ZYG11B: variants seen among roughly 807,000 people sequenced by gnomAD.
ZYG11B encodes zyg-11 family member B, cell cycle regulator, also known as protein zyg-11 homolog B.
A neutral mutation model predicts 82.4 loss-of-function variants in ZYG11B; 36 were observed. The observed-to-expected ratio is 0.44, with a 90% CI of 0.33 to 0.58. The LOEUF is 0.58. ZYG11B is among the 20% of genes least tolerant of loss of function. The pLI, the probability that ZYG11B is intolerant of heterozygous loss-of-function variation, is 0.02. For missense variants in ZYG11B, 552 were observed against 895.6 expected, an observed-to-expected ratio of 0.62 and a Z score of 4.90; for synonymous variants, 303 against 312.8, an observed-to-expected ratio of 0.97 and a Z score of 0.33.
chr1:52,782,069 A>G (rs562542802), intron 4 of ZYG11B, among the ~76,000 whole-genome samples: 62 of 151,702 alleles, frequency 4.1e-4, no homozygotes, highest in African/African-American at 9.2e-4. Flanking sequence ...TTATTTATTT[A>G]TTTGTTTATT....
rs1051733884 is a variant in ZYG11B, at chr1:52,827,070, G to A, written c.*5441G>A. 3 of 152,208 alleles carry A rather than the reference G, an allele frequency of 2.0e-5. No homozygotes were observed. Among genetic ancestry groups the A allele is most frequent in the Non-Finnish European group, 4.4e-5 (3 of 68,036 alleles). The allele number at this position is 152,208 out of a possible 1,614,324, so 9.4% of individuals were successfully genotyped here. A position where few individuals can be genotyped will look rare whatever the true frequency, so the allele number is the denominator to read the frequency against. On this transcript the variant is annotated 3_prime_UTR_variant, in exon 14 of 14. Transcript: ENST00000294353. ...CAAATTCTCACTGACTTATGAGTGTGAGAGAAGTTATCTTTTGTTTGAATT... is the reference window on the plus strand; with the variant it reads ...CAAATTCTCACTGACTTATGAGTGTAAGAGAAGTTATCTTTTGTTTGAATT...
chr1:52,806,960 C>A (rs1645146154), intron 10 of ZYG11B, among the ~76,000 whole-genome samples: 1 of 152,028 alleles, frequency 6.6e-6, no homozygotes, highest in Non-Finnish European at 1.5e-5. Context: ...CCTCCACCTC[C>A]CGGGTTCAAG....
At position 52,796,793 on chromosome 1, in the gene ZYG11B, A is replaced by G; in HGVS notation, c.1485+9A>G. 5 of 1,531,102 alleles carry G rather than the reference A, an allele frequency of 3.3e-6. No individual in the cohort carries two copies. The highest frequency in any genetic ancestry group is 1.3e-5 in the South Asian group (1 of 79,532). 94.8% of individuals were successfully genotyped at this position (1,531,102 alleles called of 1,614,324 possible). A position where few individuals can be genotyped will look rare whatever the true frequency, so the allele number is the denominator to read the frequency against. Reference sequence around the variant, plus strand: ...AGCTCTTCATTGTCAGGGTAAGTCTATAATCTCCTCCATTCAGGCCACTAG... The same window carrying G: ...AGCTCTTCATTGTCAGGGTAAGTCTGTAATCTCCTCCATTCAGGCCACTAG... On this transcript the variant is annotated intron_variant, in intron 8 of 13. Coordinates refer to ENST00000294353, the MANE Select transcript of ZYG11B (RefSeq NM_024646.3).
chr1:52,795,482 T>A (rs1644999682), intron 6 of ZYG11B, among the ~76,000 whole-genome samples: 1 of 152,202 alleles, frequency 6.6e-6, no homozygotes, highest in Admixed American at 6.5e-5. Flanking sequence ...TACCTCTCAC[T>A]TTATCTCTCA....
intron 1 of ZYG11B, among the ~76,000 whole-genome samples, chr1:52,751,435 G>A (rs930222723): frequency 3.3e-5 from 5 of 151,264 alleles, no homozygotes; most frequent in Non-Finnish European, 7.4e-5. Flanking sequence ...TTTGAGACCA[G>A]CCTGGCCAAC....
chr1:52,784,051 G>A (rs12076858), intron 4 of ZYG11B, among the ~76,000 whole-genome samples: 15,548 of 151,370 alleles, frequency 0.1, 1,801 homozygotes, highest in East Asian at 0.35. Context: ...GAGTGCAATG[G>A]TGTGCTCTTG....
Position 52,774,945 on chromosome 1 carries a change from A to G in ZYG11B, c.951+3171A>G, listed in dbSNP as rs1644791684. On this transcript the variant is annotated intron_variant, in intron 3 of 13. Transcript: ENST00000294353. ...CTCCCAACTCATGAGAACATTGAAA[A>G]TCTGCTAAACCCAGTGTTAGTTCTT... is the stretch of plus-strand genomic sequence containing the variant. 2.6e-5 allele frequency among the ~76,000 whole-genome samples: 4 copies of G among 152,072 alleles called. No individual in the cohort carries two copies. The South Asian group carries it at 8.3e-4, about 32-fold the overall frequency.
chr1:52,825,102 A>G lies in ZYG11B; in HGVS notation c.*3473A>G, dbSNP rs1408476053. On this transcript the variant is annotated 3_prime_UTR_variant, in exon 14 of 14. Coordinates refer to ENST00000294353, the MANE Select transcript of ZYG11B (RefSeq NM_024646.3). ...GGCATAATGAGGAAAATTTTTAAAAAATAGATTATAATGATACATATTGGT... is the reference window on the plus strand; with the variant it reads ...GGCATAATGAGGAAAATTTTTAAAAGATAGATTATAATGATACATATTGGT... 1 of 152,200 alleles carries G rather than the reference A, an allele frequency of 6.6e-6. No individual in the cohort carries two copies. Among genetic ancestry groups the G allele is most frequent in the Non-Finnish European group, 1.5e-5 (1 of 68,032 alleles). The allele number at this position is 152,200 out of a possible 1,614,324, so 9.4% of individuals were successfully genotyped here. A position where few individuals can be genotyped will look rare whatever the true frequency, so the allele number is the denominator to read the frequency against.
intron 6 of ZYG11B, among the ~76,000 whole-genome samples, chr1:52,794,077 T>G (rs1260568722): frequency 6.6e-6 from 1 of 151,702 alleles, no homozygotes; most frequent in Non-Finnish European, 1.5e-5. Context: ...CGGGTTCAAG[T>G]GATTCTCCTG....
intron 8 of ZYG11B, among the ~76,000 whole-genome samples, chr1:52,797,919 A>G (rs1223278271): frequency 6.6e-6 from 1 of 151,768 alleles, no homozygotes; most frequent in Non-Finnish European, 1.5e-5. Context: ...TGAGGCCAGG[A>G]GTTCAAGAAC....
In ZYG11B at chr1:52,823,266, C is replaced by G. The variant is rs1223775809; in HGVS notation, c.*1637C>G. The G allele has an allele frequency of 6.6e-6, 1 of 150,728 alleles. No homozygotes were observed. Among genetic ancestry groups the G allele is most frequent in the Non-Finnish European group, 1.5e-5 (1 of 67,792 alleles). The allele number at this position is 150,728 out of a possible 1,614,324, so 9.3% of individuals were successfully genotyped here. A position where few individuals can be genotyped will look rare whatever the true frequency, so the allele number is the denominator to read the frequency against. On this transcript the variant is annotated 3_prime_UTR_variant, in exon 14 of 14. Transcript: ENST00000294353. ...CCCAGAAGTTCAAGACTAGCCTGGG[C>G]AACATAGTGAGACTCGGTCTCTACC...
At chr1:52,766,120 A>AT (rs60885892) in intron 2 of ZYG11B, among the ~76,000 whole-genome samples, 521 of 130,160 alleles carry the variant, frequency 4.0e-3, no homozygotes, top group South Asian at 5.6e-3. Context: ...TTTTTTTTAA[A>AT]TTTTTTTTTT....
intron 1 of ZYG11B, among the ~76,000 whole-genome samples, chr1:52,753,502 C>T (rs1343922772): frequency 1.3e-5 from 2 of 151,220 alleles, no homozygotes; most frequent in South Asian, 4.2e-4. Context: ...TTATTGCAAT[C>T]TCCACCTCCC....
chr1:52,795,449 T>C (rs1644999491), intron 6 of ZYG11B, among the ~76,000 whole-genome samples: 1 of 152,138 alleles, frequency 6.6e-6, no homozygotes, highest in South Asian at 2.1e-4. Context: ...ATAACTAGAC[T>C]CCATGTGATC....
At chr1:52,768,270 T>A (rs1453586102) in intron 2 of ZYG11B, among the ~76,000 whole-genome samples, 1 of 152,162 alleles carries the variant, frequency 6.6e-6, no homozygotes, top group South Asian at 2.1e-4. Context: ...CCTTCAACTT[T>A]AGATCTGGGA....
rs1013689041 is a variant in ZYG11B, at chr1:52,822,782, T to C, written c.*1153T>C. On this transcript the variant is annotated 3_prime_UTR_variant, in exon 14 of 14. Transcript: ENST00000294353. ...AACAGCACATATTTTTGACAGATTATTTTTTAGGCAATTACCTTTCCTTAA... is the reference window on the plus strand; with the variant it reads ...AACAGCACATATTTTTGACAGATTACTTTTTAGGCAATTACCTTTCCTTAA... The C allele has an allele frequency of 6.6e-6, 1 of 152,086 alleles. No homozygotes were observed. Among genetic ancestry groups the C allele is most frequent in the Non-Finnish European group, 1.5e-5 (1 of 68,042 alleles). The allele number at this position is 152,086 out of a possible 1,614,324, so 9.4% of individuals were successfully genotyped here. A position where few individuals can be genotyped will look rare whatever the true frequency, so the allele number is the denominator to read the frequency against.
At position 52,771,424 on chromosome 1, in the gene ZYG11B, A is replaced by G. The variant is rs1644749228; in HGVS notation, c.601A>G (p.Ile201Val). 1 of 1,614,090 alleles carries G rather than the reference A, an allele frequency of 6.2e-7. No individual in the cohort carries two copies. The highest frequency in any genetic ancestry group is 8.5e-7 in the Non-Finnish European group (1 of 1,180,040). ...LDISNTSITDITALLACKDRL... is the reference protein window; with the variant it reads ...LDISNTSITDVTALLACKDRL... ...TATTTCTAACACCTCAATCACAGAC[A>G]TCACTGCTCTACTGGCCTGCAAAGA... The change falls in exon 3 of 14, where the codon ATC (isoleucine) becomes GTC (valine). Residue 201 changes from isoleucine to valine, a missense_variant. This residue lies in a region of ZYG11B where 359 missense variants were observed against 555.8 expected (regional missense o/e 0.65). Transcript: ENST00000294353. The surrounding 1 kb of genome is among the most constrained non-coding windows in gnomAD (Gnocchi z 5.4).
At chr1:52,800,035 G>A (rs1447160150) in intron 8 of ZYG11B, among the ~76,000 whole-genome samples, 1 of 151,990 alleles carries the variant, frequency 6.6e-6, no homozygotes, top group African/African-American at 2.4e-5. Flanking sequence ...CAGAACTTTG[G>A]GAGGCTGAGG....
Position 52,783,891 on chromosome 1 carries a change from T to C in ZYG11B, c.1093-986T>C, listed in dbSNP as rs367699048. 2.3e-3 allele frequency among the ~76,000 whole-genome samples: 297 copies of C among 129,678 alleles called. 2 individuals carry two copies. Among genetic ancestry groups the C allele is most frequent in the African/African-American group, 0.01 (274 of 26,580 alleles). The allele number at this position is 129,678 out of a possible 152,430, so 85.1% of individuals were successfully genotyped here. A position where few individuals can be genotyped will look rare whatever the true frequency, so the allele number is the denominator to read the frequency against. ...ACATACACGTGTGTGTATATGTACA[T>C]ACACGTGTGTGTATATACATCTATA... On this transcript the variant is annotated intron_variant, in intron 4 of 13. Coordinates refer to ENST00000294353, the MANE Select transcript of ZYG11B (RefSeq NM_024646.3).
Sources: gnomAD v4.1 joint callset for allele counts (sites outside exome capture counted in the v4.1 genomes callset) on GRCh38, gnomAD v4.1.1 for gene constraint, gnomAD v4.1.1 regional missense constraint, Gnocchi (gnomAD v3.1) non-coding constraint, MANE v1.5 for transcripts, NCBI Gene and HGNC (gene_info 2026-07-23, HGNC 2026-07-21) for gene names.